WASF3: variants seen among roughly 807,000 people sequenced by gnomAD.
WASF3 encodes actin-binding protein WASF3.
WASF3 carries 11 observed loss-of-function variants against 46.6 expected under a neutral mutation model. The ratio of observed to expected loss-of-function variants is 0.24; its 90% CI spans 0.15 to 0.39. The LOEUF is 0.39. Among genes scored for constraint, WASF3 ranks in the 10% least tolerant of loss-of-function variants. The probability of loss-of-function intolerance (pLI) is 1.00; values close to 1 mark genes in which losing one functional copy is unlikely to be tolerated. For missense variants in WASF3, 576 were observed against 669.8 expected (o/e 0.86, Z 1.55); for synonymous variants, 242 against 259.7 (o/e 0.93, Z 0.65).
At chr13:26,597,083 CTT>C (rs1880490682) in intron 1 of WASF3, among the ~76,000 whole-genome samples, 1 of 152,112 alleles carries the variant, frequency 6.6e-6, no homozygotes, top group Non-Finnish European at 1.5e-5. Context: ...CCTCTGTTGA[CTT>C]TTTAAAAATG....
Position 26,578,993 on chromosome 13 carries a change from C to CTTTTTTTTTTTTTTT in WASF3, c.-109+21183_-109+21197dup, listed in dbSNP as rs200299739. On this transcript the variant is annotated intron_variant, in intron 1 of 9. Transcript: ENST00000335327. ...ACCTTATATTCTTGGGATACATTTCCTTTTTTTTTTTTTTTTTTTTTTTGT... is the reference window on the plus strand; with the variant it reads ...ACCTTATATTCTTGGGATACATTTCCTTTTTTTTTTTTTTTTTTTTTTTTTTTTTTTTTTTTTTGT... Among the ~76,000 whole-genome samples the CTTTTTTTTTTTTTTT allele has an allele frequency of 4.5e-3, 270 of 60,626 alleles. 46 individuals carry two copies. The highest frequency in any genetic ancestry group is 5.9e-3 in the East Asian group (8 of 1,352). 39.8% of individuals were successfully genotyped at this position (60,626 alleles called of 152,430 possible). A position where few individuals can be genotyped will look rare whatever the true frequency, so the allele number is the denominator to read the frequency against.
intron 1 of WASF3, among the ~76,000 whole-genome samples, chr13:26,565,528 C>T (rs1021062808): frequency 6.6e-6 from 1 of 152,152 alleles, no homozygotes; most frequent in Non-Finnish European, 1.5e-5. Flanking sequence ...GGATTTAAAA[C>T]GTATCTCCAT....
chr13:26,651,604 A>T (rs761353195), intron 3 of WASF3, among the ~76,000 whole-genome samples: 1 of 152,250 alleles, frequency 6.6e-6, no homozygotes, highest in Non-Finnish European at 1.5e-5. Context: ...GTCCTCCAGC[A>T]ACCTGTACTA....
At chr13:26,684,582 T>C (rs1593191198) in intron 9 of WASF3, among the ~76,000 whole-genome samples, 1 of 152,224 alleles carries the variant, frequency 6.6e-6, no homozygotes, top group East Asian at 1.9e-4. Context: ...ATTTGTAGGA[T>C]AGATAGTAGT....
chr13:26,572,057 T>TA (rs1366062227), intron 1 of WASF3, among the ~76,000 whole-genome samples: 12 of 152,378 alleles, frequency 7.9e-5, no homozygotes, highest in African/African-American at 2.9e-4. Context: ...CTACCTTGCT[T>TA]AATTCTTTAA....
the WASF3 span, among the ~76,000 whole-genome samples, chr13:26,546,990 G>A: frequency 1.3e-5 from 2 of 152,016 alleles, no homozygotes; most frequent in Non-Finnish European, 2.9e-5. Flanking sequence ...CCTCCTATCT[G>A]CAAAGTGACT....
intron 1 of WASF3, among the ~76,000 whole-genome samples, chr13:26,561,480 A>C (rs1238317250): frequency 1.3e-5 from 2 of 152,048 alleles, no homozygotes; most frequent in African/African-American, 4.8e-5. Flanking sequence ...GGCTGGGTTA[A>C]GTTTCAGGTG....
rs1229833591 is a variant in WASF3, at chr13:26,681,188, A to T, written c.851A>T (p.His284Leu). ...GGGCCTGCAAGCCAGGCTGCGGAGC[A>T]TGAGTACCGGCCCCCATCTGCCTCG... ...PHGPASQAAE[H>L]EYRPPSASAR... The change falls in exon 8 of 10, where the codon CAT becomes CTT. Residue 284 changes from histidine to leucine, a missense_variant. Around this residue, in one of 3 missense-constraint regions of WASF3, gnomAD observed 295 missense variants for 291.5 expected, o/e 1.01. Transcript: ENST00000335327. 2.5e-6 allele frequency: 4 copies of T among 1,614,084 alleles called. No individual in the cohort carries two copies. In the East Asian group the frequency reaches 8.9e-5, roughly 36 times the overall value.
intron 1 of WASF3, among the ~76,000 whole-genome samples, chr13:26,567,551 G>A (rs1294764460): frequency 6.6e-6 from 1 of 152,168 alleles, no homozygotes; most frequent in Non-Finnish European, 1.5e-5. Flanking sequence ...GTAAGTGGTG[G>A]CAACAGAGGC....
intron 1 of WASF3, among the ~76,000 whole-genome samples, chr13:26,588,624 T>C (rs1278976940): frequency 6.6e-6 from 1 of 152,176 alleles, no homozygotes; most frequent in Non-Finnish European, 1.5e-5. Context: ...TTTGATCTTG[T>C]CGAACGTTTT....
intron 3 of WASF3, among the ~76,000 whole-genome samples, chr13:26,653,637 C>T (rs1324447590): frequency 2.0e-5 from 3 of 152,174 alleles, no homozygotes; most frequent in Middle Eastern, 3.2e-3. Context: ...GGTGTTTTTC[C>T]TACCTCCCAA....
At chr13:26,560,934 G>C (rs1452141204) in intron 1 of WASF3, among the ~76,000 whole-genome samples, 2 of 152,178 alleles carry the variant, frequency 1.3e-5, no homozygotes, top group Non-Finnish European at 2.9e-5. Flanking sequence ...CGTTCAGAGA[G>C]ACAGGAAAGC....
At chr13:26,612,104 C>A (rs562040882) in intron 1 of WASF3, among the ~76,000 whole-genome samples, 1 of 152,274 alleles carries the variant, frequency 6.6e-6, no homozygotes, top group Admixed American at 6.5e-5. Context: ...CGCTTTCTTG[C>A]GTCTACCTTG....
intron 1 of WASF3, among the ~76,000 whole-genome samples, chr13:26,595,966 T>G (rs1397152546): frequency 6.6e-6 from 1 of 152,220 alleles, no homozygotes; most frequent in Non-Finnish European, 1.5e-5. Context: ...TGTGTACAGG[T>G]TTTTCTATGA....
chr13:26,584,085 A>G (rs762882650), intron 1 of WASF3, among the ~76,000 whole-genome samples: 2 of 152,196 alleles, frequency 1.3e-5, no homozygotes, highest in Non-Finnish European at 2.9e-5. Flanking sequence ...TTGGTTTTGC[A>G]GGATTATGGA....
chr13:26,644,567 G>A (rs75565718), intron 3 of WASF3, among the ~76,000 whole-genome samples: 2,908 of 152,182 alleles, frequency 0.019, 72 homozygotes, highest in East Asian at 0.085. Context: ...TTGTGCTTCC[G>A]GTAAGCACCA....
At chr13:26,615,195 T>C (rs1220422607) in intron 2 of WASF3, among the ~76,000 whole-genome samples, 2 of 152,206 alleles carry the variant, frequency 1.3e-5, no homozygotes, top group Non-Finnish European at 2.9e-5. Context: ...AGTCGACTTA[T>C]TTTTACTTGA....
chr13:26,593,346 A>G (rs962077789), intron 1 of WASF3, among the ~76,000 whole-genome samples: 42 of 152,170 alleles, frequency 2.8e-4, no homozygotes, highest in African/African-American at 8.7e-4. Context: ...ATGAAAGGTT[A>G]TGAAAGTTCT....
At chr13:26,562,140 T>C (rs1879312964) in intron 1 of WASF3, among the ~76,000 whole-genome samples, 1 of 152,174 alleles carries the variant, frequency 6.6e-6, no homozygotes, top group Non-Finnish European at 1.5e-5. Flanking sequence ...TGTGCAGTAT[T>C]TGTTAATGGA....
Sources: gnomAD v4.1 joint callset for allele counts (sites outside exome capture counted in the v4.1 genomes callset) on GRCh38, gnomAD v4.1.1 for gene constraint, gnomAD v4.1.1 regional missense constraint, MANE v1.5 for transcripts, NCBI Gene and HGNC (gene_info 2026-07-23, HGNC 2026-07-21) for gene names.